Variants in CAPZA1 observed in about 807,000 individuals in gnomAD.
CAPZA1 encodes the protein F-actin-capping protein subunit alpha-1.
In CAPZA1, 10 loss-of-function variants were observed where a neutral mutation model predicts 40.8. The ratio of observed to expected loss-of-function variants is 0.25; its 90% CI spans 0.15 to 0.42. The LOEUF (loss-of-function observed/expected upper bound fraction) is 0.42, where lower values mean the gene tolerates loss of function less well. CAPZA1 is among the 10% of genes least tolerant of loss of function. The probability of loss-of-function intolerance (pLI) is 1.00; values close to 1 mark genes in which losing one functional copy is unlikely to be tolerated. For synonymous variants in CAPZA1, 98 were observed against 115.0 expected, an observed-to-expected ratio of 0.85 and a Z score of 0.95; for missense variants, 277 against 353.8, an observed-to-expected ratio of 0.78 and a Z score of 1.74.
chr1:112,635,656 G>A (rs989854046), intron 1 of CAPZA1, among the ~76,000 whole-genome samples: 17 of 147,888 alleles, frequency 1.1e-4, no homozygotes, highest in Middle Eastern at 3.6e-3. Flanking sequence ...AGCTGGTCTT[G>A]AACTCCTGAC....
intron 1 of CAPZA1, 155 bp downstream of exon 1, chr1:112,620,038 G>A: frequency 1.6e-6 from 1 of 608,126 alleles, no homozygotes; most frequent in East Asian, 3.0e-5. Context: ...TCCCTCTTAG[G>A]GGGCTTTCCT....
chr1:112,667,449 A>G (rs140361898), intron 8 of CAPZA1, among the ~76,000 whole-genome samples: 86 of 152,194 alleles, frequency 5.7e-4, no homozygotes, highest in Non-Finnish European at 9.3e-4. Context: ...AAGTTTACCA[A>G]ACTGCATCCT....
chr1:112,655,525 GTGA>G (rs1313664978), intron 5 of CAPZA1, among the ~76,000 whole-genome samples: 1 of 151,800 alleles, frequency 6.6e-6, no homozygotes, highest in Admixed American at 6.6e-5. Flanking sequence ...TTAATCAGGA[GTGA>G]TTTTCTTTTT....
chr1:112,643,524 G>A (rs888405036), intron 1 of CAPZA1, among the ~76,000 whole-genome samples: 8 of 152,178 alleles, frequency 5.3e-5, no homozygotes, highest in African/African-American at 1.9e-4. Flanking sequence ...CTTAAAAAAT[G>A]TGTAGGATTT....
At chr1:112,644,468 C>A (rs1311540628) in intron 1 of CAPZA1, among the ~76,000 whole-genome samples, 1 of 152,066 alleles carries the variant, frequency 6.6e-6, no homozygotes, top group Non-Finnish European at 1.5e-5. Context: ...TGGGATTTTA[C>A]AGTCATGAGC....
Position 112,671,480 on chromosome 1 carries a change from C to G in CAPZA1, c.*1348C>G, listed in dbSNP as rs1218472426. The stretch of plus-strand genomic sequence containing the variant: ...AGTCAAGCAAGTTTGTTCCAGGTGA[C>G]CCATTGAGCTGTGTATGCATTTTTG... On this transcript the variant is annotated 3_prime_UTR_variant, in exon 10 of 10. Coordinates refer to ENST00000263168, the MANE Select transcript of CAPZA1 (RefSeq NM_006135.3). The G allele has an allele frequency of 1.3e-5, 2 of 152,638 alleles. No homozygotes were observed. Among genetic ancestry groups the G allele is most frequent in the East Asian group, 3.8e-4 (2 of 5,208 alleles). 9.5% of individuals were successfully genotyped at this position (152,638 alleles called of 1,614,324 possible).
chr1:112,669,885 A>C (rs111929717), intron 9 of CAPZA1, 107 bp from the exon 10 acceptor site: 1 of 1,214,890 alleles, frequency 8.2e-7, no homozygotes, highest in African/African-American at 1.5e-5. Flanking sequence ...TATCCTGTCT[A>C]TCCTTCACAG....
chr1:112,652,552 C>T (rs1227908254), intron 3 of CAPZA1, among the ~76,000 whole-genome samples: 3 of 151,120 alleles, frequency 2.0e-5, no homozygotes, highest in Non-Finnish European at 4.4e-5. Context: ...TCTTGAGAAG[C>T]CTAGTTTTAA....
At chr1:112,649,613 T>C in intron 3 of CAPZA1, 144 bp downstream of exon 3, 1 of 676,454 alleles carries the variant, frequency 1.5e-6, no homozygotes, top group South Asian at 1.8e-5. Flanking sequence ...TTTTTTTTAA[T>C]TGGAGAAAAC....
chr1:112,623,241 GTT>G (rs769279121), intron 1 of CAPZA1, among the ~76,000 whole-genome samples: 2 of 152,168 alleles, frequency 1.3e-5, no homozygotes, highest in South Asian at 4.1e-4. Context: ...TAATTTACTA[GTT>G]ACCATTGTAG....
intron 6 of CAPZA1, chr1:112,659,361 T>C (rs1381813841): frequency 1.9e-6 from 1 of 537,992 alleles, no homozygotes; most frequent in African/African-American, 1.9e-5. Context: ...TTAGGGTTAC[T>C]GCTACTTGAG....
chr1:112,660,838 C>CTTTTTTTTT lies in CAPZA1; in HGVS notation c.585+1076_585+1084dup, dbSNP rs67876993. 4.5e-5 allele frequency among the ~76,000 whole-genome samples: 3 copies of CTTTTTTTTT among 66,012 alleles called. 1 individual carries two copies. Among genetic ancestry groups the CTTTTTTTTT allele is most frequent in the African/African-American group, 6.8e-5 (1 of 14,676 alleles). 43.3% of individuals were successfully genotyped at this position (66,012 alleles called of 152,430 possible). On this transcript the variant is annotated intron_variant, in intron 7 of 9. Transcript: ENST00000263168. ...TTTAACAACAATTACCAAGAGTTGT[C>CTTTTTTTTT]TTTTTTTTTTTTTTTTTTTTTTTTT...
intron 1 of CAPZA1, among the ~76,000 whole-genome samples, chr1:112,643,333 G>A (rs542043070): frequency 2.7e-4 from 41 of 152,216 alleles, no homozygotes; most frequent in African/African-American, 9.9e-4. Context: ...GGAGCCTTAT[G>A]GAGCATTTCC....
intron 5 of CAPZA1, among the ~76,000 whole-genome samples, chr1:112,656,961 G>A (rs1364459145): frequency 6.6e-6 from 1 of 150,964 alleles, no homozygotes; most frequent in Admixed American, 6.6e-5. Flanking sequence ...GAGTGCAATG[G>A]TGTGGTCTCG....
intron 8 of CAPZA1, 79 bp from the exon 9 acceptor site, chr1:112,669,464 A>T: frequency 1.0e-6 from 1 of 960,972 alleles, no homozygotes; most frequent in South Asian, 1.3e-5. Context: ...ATGTTAGTTA[A>T]GATGGACTTA....
At position 112,654,433 on chromosome 1, in the gene CAPZA1, A is replaced by C. The variant is rs773924257; in HGVS notation, c.220-32A>C. The C allele has an allele frequency of 3.5e-6, 5 of 1,419,212 alleles. No homozygotes were observed. In the Admixed American group the frequency reaches 9.8e-5, roughly 28 times the overall value. 87.9% of individuals were successfully genotyped at this position (1,419,212 alleles called of 1,614,324 possible). ...AGGCAGTAAGAATTGTCTTTTTTAC[A>C]GTTACTCATATGTTTAATGATTCTT... On this transcript the variant is annotated intron_variant, in intron 4 of 9. Coordinates refer to ENST00000263168, the MANE Select transcript of CAPZA1 (RefSeq NM_006135.3).
intron 7 of CAPZA1, among the ~76,000 whole-genome samples, chr1:112,660,558 G>A (rs1414782467): frequency 6.6e-6 from 1 of 152,138 alleles, no homozygotes; most frequent in Admixed American, 6.6e-5. Context: ...GGGATTACAG[G>A]CGTGAGCCAC....
intron 7 of CAPZA1, among the ~76,000 whole-genome samples, chr1:112,661,892 A>T (rs141862675): frequency 6.6e-6 from 1 of 152,350 alleles, no homozygotes; most frequent in African/African-American, 2.4e-5. Flanking sequence ...TTTCATTTAC[A>T]TATCTTTTAA....
intron 1 of CAPZA1, among the ~76,000 whole-genome samples, chr1:112,635,704 G>A (rs1368702141): frequency 1.3e-5 from 2 of 152,094 alleles, no homozygotes; most frequent in African/African-American, 4.8e-5. Flanking sequence ...TTATAGGTGT[G>A]AGCCACCGTG....
Sources: allele counts gnomAD v4.1 joint callset (sites outside exome capture counted in the v4.1 genomes callset), GRCh38; gene constraint gnomAD v4.1.1; transcripts MANE v1.5; gene names NCBI Gene and HGNC (gene_info 2026-07-23, HGNC 2026-07-21).